OGDH: variants seen among roughly 807,000 people sequenced by gnomAD.
OGDH encodes the protein 2-oxoglutarate dehydrogenase complex component E1.
OGDH carries 38 observed loss-of-function variants against 116.6 expected under a neutral mutation model. The observed-to-expected ratio is 0.33, with a 90% confidence interval of 0.25 to 0.43. The LOEUF is 0.43. Ranked by LOEUF, OGDH falls within the 20% of genes least tolerant of loss-of-function variation. The pLI is 1.00. For missense variants in OGDH, 825 were observed against 1,357.2 expected (o/e 0.61, Z 6.16); for synonymous variants, 488 against 533.3 (o/e 0.92, Z 1.17).
chr7:44,641,223 T>C (rs865878504), intron 2 of OGDH, among the ~76,000 whole-genome samples: 27 of 98,896 alleles, frequency 2.7e-4, no homozygotes, highest in African/African-American at 1.9e-3. Flanking sequence ...TTTTTTTTTT[T>C]TCTTTTTTTT....
intron 20 of OGDH, among the ~76,000 whole-genome samples, chr7:44,704,697 G>A (rs1323597165): frequency 6.6e-6 from 1 of 151,546 alleles, no homozygotes; most frequent in Non-Finnish European, 1.5e-5. Context: ...TTGGGTTTGG[G>A]TGTTTTTTTT....
intron 2 of OGDH, among the ~76,000 whole-genome samples, chr7:44,629,356 C>G (rs1785332855): frequency 1.3e-5 from 2 of 152,142 alleles, no homozygotes; most frequent in African/African-American, 4.8e-5. Context: ...GCCTGTTGTT[C>G]TTCTCCCAAC....
intron 10 of OGDH, among the ~76,000 whole-genome samples, chr7:44,691,148 C>T (rs1482127283): frequency 1.3e-5 from 2 of 152,172 alleles, no homozygotes; most frequent in African/African-American, 4.8e-5. Flanking sequence ...AGCTGAGTCT[C>T]TTATTTCTTT....
At chr7:44,679,967 T>G (rs563869524) in intron 9 of OGDH, among the ~76,000 whole-genome samples, 1 of 152,088 alleles carries the variant, frequency 6.6e-6, no homozygotes, top group African/African-American at 2.4e-5. Flanking sequence ...TCCCAGCACT[T>G]TGGGAGGCTG....
chr7:44,708,121 C>CCT lies in OGDH; in HGVS notation c.*123_*124insTC. ...ACCGCCCTCCTCGCTGTGCCACCACCCCTCCCTCTGCTCTCATAGGAGTTA... is the reference window on the plus strand; with the variant it reads ...ACCGCCCTCCTCGCTGTGCCACCACCCTCCTCCCTCTGCTCTCATAGGAGTTA... On this transcript the variant is annotated 3_prime_UTR_variant, in exon 23 of 23. Transcript: ENST00000222673. The CCT allele has an allele frequency of 7.5e-7, 1 of 1,335,372 alleles. No homozygotes were observed. Among genetic ancestry groups the CCT allele is most frequent in the African/African-American group, 1.4e-5 (1 of 68,978 alleles). The allele number at this position is 1,335,372 out of a possible 1,614,324, so 82.7% of individuals were successfully genotyped here. A position where few individuals can be genotyped will look rare whatever the true frequency, so the allele number is the denominator to read the frequency against.
At chr7:44,625,297 G>A (rs558978764) in intron 2 of OGDH, among the ~76,000 whole-genome samples, 5 of 152,118 alleles carry the variant, frequency 3.3e-5, no homozygotes, top group South Asian at 2.1e-4. Context: ...ACTAGTTTTT[G>A]TATTTTTAGT....
intron 1 of OGDH, among the ~76,000 whole-genome samples, chr7:44,616,723 A>G (rs1306064726): frequency 2.1e-5 from 3 of 145,814 alleles, no homozygotes; most frequent in Non-Finnish European, 4.5e-5. Context: ...TTATGTATAT[A>G]TACACATATA....
chr7:44,617,636 CA>C (rs889635484), intron 1 of OGDH, among the ~76,000 whole-genome samples: 2 of 151,998 alleles, frequency 1.3e-5, no homozygotes, highest in African/African-American at 4.8e-5. Flanking sequence ...ACTACTAAAA[CA>C]AAAATAATTG....
Position 44,697,205 on chromosome 7 carries a change from G to C in OGDH, c.2051+141G>C. The C allele has an allele frequency of 6.9e-7, 1 of 1,441,652 alleles. No individual in the cohort carries two copies. Among genetic ancestry groups the C allele is most frequent in the African/African-American group, 1.4e-5 (1 of 71,040 alleles). The allele number at this position is 1,441,652 out of a possible 1,614,324, so 89.3% of individuals were successfully genotyped here. On this transcript the variant is annotated intron_variant, in intron 15 of 22. Transcript: ENST00000222673. The surrounding 1 kb of genome is among the most constrained non-coding windows in gnomAD (Gnocchi z 6.0). ...GGCTGAAAACCTCTGTCCCTCATTT[G>C]CTATGGGTGCTTCTGTTAAGACCTG... is the stretch of plus-strand genomic sequence containing the variant.
At chr7:44,652,172 G>A (rs1393738152) in intron 4 of OGDH, among the ~76,000 whole-genome samples, 3 of 150,150 alleles carry the variant, frequency 2.0e-5, no homozygotes, top group East Asian at 2.0e-4. Context: ...GCAATGGCAC[G>A]ACCTCATTTC....
In OGDH at chr7:44,700,227, C is replaced by T. The variant is rs1788766570; in HGVS notation, c.2517C>T (p.Phe839=). ...VVNCSTPGNF[F]HVLRRQILLP... The stretch of plus-strand genomic sequence containing the variant: ...ACTGCTCCACTCCTGGCAACTTCTT[C>T]CACGTGCTACGACGCCAGATCCTGC... Residue 839 remains phenylalanine, a synonymous_variant, in exon 19 of 23, where the codon TTC becomes TTT. Coordinates refer to ENST00000222673, the MANE Select transcript of OGDH (RefSeq NM_002541.4). 1.2e-6 allele frequency: 2 copies of T among 1,614,254 alleles called. No individual in the cohort carries two copies. The highest frequency in any genetic ancestry group is 1.7e-4 in the Middle Eastern group (1 of 6,060).
chr7:44,704,743 C>A (rs1190524149), intron 20 of OGDH, among the ~76,000 whole-genome samples: 1 of 151,970 alleles, frequency 6.6e-6, no homozygotes, highest in East Asian at 1.9e-4. Context: ...TGGAGTCTTA[C>A]TCTGTTACCC....
intron 20 of OGDH, among the ~76,000 whole-genome samples, chr7:44,703,458 A>C (rs934808278): frequency 6.7e-6 from 1 of 149,448 alleles, no homozygotes; most frequent in Non-Finnish European, 1.5e-5. Context: ...AGTGGCTTAC[A>C]CCTGTAATCT....
chr7:44,648,532 G>T (rs556074733), intron 4 of OGDH, among the ~76,000 whole-genome samples: 1 of 152,302 alleles, frequency 6.6e-6, no homozygotes, highest in East Asian at 1.9e-4. Flanking sequence ...AATGGCCAGG[G>T]TGTTCACAAT....
intron 7 of OGDH, 149 bp from the exon 8 acceptor site, chr7:44,675,029 T>A (rs1787628376): frequency 1.5e-6 from 1 of 648,552 alleles, no homozygotes; most frequent in South Asian, 1.7e-5. Context: ...GTTCCCACAT[T>A]AGCTCCAGTT....
intron 1 of OGDH, among the ~76,000 whole-genome samples, chr7:44,608,730 A>G (rs1784450674): frequency 6.6e-6 from 1 of 152,140 alleles, no homozygotes; most frequent in Admixed American, 6.5e-5. Flanking sequence ...CAAAAAAAAA[A>G]GGAAAGAAAA....
At chr7:44,690,265 G>A (rs1043722130) in intron 10 of OGDH, among the ~76,000 whole-genome samples, 8 of 152,174 alleles carry the variant, frequency 5.3e-5, no homozygotes, top group African/African-American at 1.7e-4. Context: ...CTCCTCATTG[G>A]AAGTATTGGC....
chr7:44,649,226 G>A (rs538519780), intron 4 of OGDH, among the ~76,000 whole-genome samples: 8 of 151,400 alleles, frequency 5.3e-5, no homozygotes, highest in South Asian at 4.2e-4. Flanking sequence ...GGAGAGCTGC[G>A]GAATGCTCAT....
intron 19 of OGDH, among the ~76,000 whole-genome samples, chr7:44,701,262 C>G (rs1274246137): frequency 6.6e-6 from 1 of 152,160 alleles, no homozygotes; most frequent in Admixed American, 6.5e-5. Flanking sequence ...GAGCTCTTTC[C>G]TAGGTACAGA....
Sources: gnomAD v4.1 joint callset for allele counts (sites outside exome capture counted in the v4.1 genomes callset) on GRCh38, gnomAD v4.1.1 for gene constraint, Gnocchi (gnomAD v3.1) non-coding constraint, MANE v1.5 for transcripts, NCBI Gene and HGNC (gene_info 2026-07-23, HGNC 2026-07-21) for gene names.